Variants in HMCN1 observed in about 807,000 individuals in gnomAD.
The protein encoded by HMCN1 is hemicentin-1.
In HMCN1, 321 loss-of-function variants were observed where a neutral mutation model predicts 625.9. The ratio of observed to expected loss-of-function variants is 0.51; its 90% CI spans 0.47 to 0.56. The LOEUF is 0.56. HMCN1 is among the 20% of genes least tolerant of loss of function. The pLI, the probability that HMCN1 is intolerant of heterozygous loss-of-function variation, is 0.00. For missense variants in HMCN1, 6,588 were observed against 6,887.3 expected, an observed-to-expected ratio of 0.96 and a Z score of 1.54; for synonymous variants, 2,425 against 2,417.6, an observed-to-expected ratio of 1.00 and a Z score of -0.09.
chr1:185,877,540 A>G (rs1355896418), intron 4 of HMCN1, among the ~76,000 whole-genome samples: 1 of 151,516 alleles, frequency 6.6e-6, no homozygotes, highest in African/African-American at 2.4e-5. Context: ...TTGAATCTGC[A>G]TATTGCTCTG....
chr1:185,768,427 A>G (rs1473032363), intron 1 of HMCN1, among the ~76,000 whole-genome samples: 2 of 152,176 alleles, frequency 1.3e-5, no homozygotes, highest in Non-Finnish European at 2.9e-5. Flanking sequence ...GGCTTAATCC[A>G]TTGTCATGTC....
intron 83 of HMCN1, among the ~76,000 whole-genome samples, chr1:186,129,709 C>T (rs1358256782): frequency 6.6e-6 from 1 of 152,126 alleles, no homozygotes; most frequent in Non-Finnish European, 1.5e-5. Flanking sequence ...TTACTTTAAA[C>T]CTAAAATAAT....
intron 6 of HMCN1, among the ~76,000 whole-genome samples, chr1:185,914,087 G>A (rs911510478): frequency 1.3e-5 from 2 of 152,048 alleles, no homozygotes; most frequent in African/African-American, 4.8e-5. Context: ...TCTAGTGTAG[G>A]ATTAGTGCTA....
intron 1 of HMCN1, among the ~76,000 whole-genome samples, chr1:185,801,405 T>C (rs1421601133): frequency 2.0e-5 from 3 of 152,178 alleles, no homozygotes; most frequent in African/African-American, 4.8e-5. Context: ...TACTCTAGGT[T>C]TGTAGTTTGG....
chr1:185,750,565 C>T (rs1274031900), intron 1 of HMCN1, among the ~76,000 whole-genome samples: 1 of 151,944 alleles, frequency 6.6e-6, no homozygotes, highest in African/African-American at 2.4e-5. Context: ...AATATATGGC[C>T]ATTTTAATCT....
chr1:185,744,428 C>A (rs1037944348), intron 1 of HMCN1, among the ~76,000 whole-genome samples: 4 of 152,140 alleles, frequency 2.6e-5, no homozygotes, highest in Non-Finnish European at 5.9e-5. Flanking sequence ...CCTTTGAGCC[C>A]TAGGCCACTG....
chr1:186,015,143 C>A lies in HMCN1; in HGVS notation c.4631-16C>A, dbSNP rs143354708. The A allele has an allele frequency of 9.1e-5, 146 of 1,611,634 alleles. No individual in the cohort carries two copies. The African/African-American group carries it at 1.7e-3, about 19-fold the overall frequency. ...GAAACTTAGATGACTTGTTTTTGTTCTGAAATCCTTTGTAGTTCCACCTAG... is the reference window on the plus strand; with the variant it reads ...GAAACTTAGATGACTTGTTTTTGTTATGAAATCCTTTGTAGTTCCACCTAG... On this transcript the variant is annotated splice_polypyrimidine_tract_variant and intron_variant, in intron 30 of 106. Transcript: ENST00000271588.
intron 39 of HMCN1, 62 bp from the exon 40 acceptor site, chr1:186,040,951 A>T: frequency 6.3e-7 from 1 of 1,582,506 alleles, no homozygotes; most frequent in South Asian, 1.1e-5. Flanking sequence ...TAAGAGAAAA[A>T]ATCTATTACA....
intron 36 of HMCN1, among the ~76,000 whole-genome samples, chr1:186,024,183 G>A (rs986155942): frequency 2.6e-5 from 4 of 152,084 alleles, no homozygotes; most frequent in South Asian, 2.1e-4. Flanking sequence ...TCACTGGATC[G>A]TTAGTTGGGA....
chr1:185,880,207 T>C (rs944432238), intron 4 of HMCN1, among the ~76,000 whole-genome samples: 1 of 152,078 alleles, frequency 6.6e-6, no homozygotes, highest in Non-Finnish European at 1.5e-5. Flanking sequence ...GAGTCCAACA[T>C]TGGAATGGAC....
chr1:185,804,053 T>G (rs1398892244), intron 1 of HMCN1, among the ~76,000 whole-genome samples: 1 of 152,086 alleles, frequency 6.6e-6, no homozygotes, highest in African/African-American at 2.4e-5. Context: ...TTTTTTTAAA[T>G]TCATCTCTTT....
chr1:185,845,437 T>A (rs1402763459), intron 1 of HMCN1, among the ~76,000 whole-genome samples: 1 of 152,144 alleles, frequency 6.6e-6, no homozygotes, highest in Admixed American at 6.5e-5. Context: ...GTCAGGCTGG[T>A]CTCGAACTCC....
Position 186,190,026 on chromosome 1 carries a change from T to C in HMCN1, c.*148T>C. Reference sequence around the variant, plus strand: ...TGTTTTGTGTGCCTTCCTTGGTACTTCTGAGGTATTTTCATGATCCCACCA... The same window carrying C: ...TGTTTTGTGTGCCTTCCTTGGTACTCCTGAGGTATTTTCATGATCCCACCA... On this transcript the variant is annotated 3_prime_UTR_variant, in exon 107 of 107. Transcript: ENST00000271588. 1.1e-6 allele frequency: 1 copy of C among 878,816 alleles called. No individual in the cohort carries two copies. Among genetic ancestry groups the C allele is most frequent in the Non-Finnish European group, 1.9e-6 (1 of 537,426 alleles). 54.4% of individuals were successfully genotyped at this position (878,816 alleles called of 1,614,324 possible). A position where few individuals can be genotyped will look rare whatever the true frequency, so the allele number is the denominator to read the frequency against.
At chr1:185,844,606 T>C (rs923598461) in intron 1 of HMCN1, among the ~76,000 whole-genome samples, 1 of 152,226 alleles carries the variant, frequency 6.6e-6, no homozygotes, top group African/African-American at 2.4e-5. Flanking sequence ...AGTATCTTTA[T>C]AATTTTGCAT....
chr1:186,166,420 C>A, intron 99 of HMCN1, 117 bp downstream of exon 99: 1 of 1,309,792 alleles, frequency 7.6e-7, no homozygotes, highest in Non-Finnish European at 1.1e-6. Flanking sequence ...ACCTTGGCAA[C>A]AAACAAAGAA....
chr1:186,152,797 G>A lies in HMCN1; in HGVS notation c.14944G>A (p.Gly4982Ser), dbSNP rs1217786688. 4 of 1,613,880 alleles carry A rather than the reference G, an allele frequency of 2.5e-6. No individual in the cohort carries two copies. The highest frequency in any genetic ancestry group is 3.4e-6 in the Non-Finnish European group (4 of 1,179,906). ...TATTGCCCGGGGCTTGGATTCCGATGGTTCTTTGCTGCTAGATATCGTTGT... is the reference window on the plus strand; with the variant it reads ...TATTGCCCGGGGCTTGGATTCCGATAGTTCTTTGCTGCTAGATATCGTTGT... ...SHIARGLDSD[G>S]SLLLDIVVSG... Residue 4982 changes from glycine (G) to serine (S), a missense_variant, in exon 96 of 107, where the codon GGT becomes AGT. By Grantham distance (56) the Gly-to-Ser change is moderately conservative. Coordinates refer to ENST00000271588, the MANE Select transcript of HMCN1 (RefSeq NM_031935.3).
At chr1:186,184,991 A>ATGCT (rs1470912510) in intron 105 of HMCN1, among the ~76,000 whole-genome samples, 1 of 152,140 alleles carries the variant, frequency 6.6e-6, no homozygotes, top group Non-Finnish European at 1.5e-5. Flanking sequence ...CCTAGAGAGA[A>ATGCT]TGCTTCACCC....
At chr1:186,152,917 A>G (rs934976064) in intron 96 of HMCN1, 46 bp downstream of exon 96, 1 of 1,610,162 alleles carries the variant, frequency 6.2e-7, no homozygotes, top group African/African-American at 1.3e-5. Flanking sequence ...TAGAGTAATG[A>G]TGAGTGAAAG....
chr1:185,828,855 T>C (rs1032273191), intron 1 of HMCN1, among the ~76,000 whole-genome samples: 2 of 152,036 alleles, frequency 1.3e-5, no homozygotes, highest in African/African-American at 4.8e-5. Context: ...CTATGGGATA[T>C]AGATAAAACT....
Sources: gnomAD v4.1 joint callset for allele counts (sites outside exome capture counted in the v4.1 genomes callset) on GRCh38, gnomAD v4.1.1 for gene constraint, MANE v1.5 for transcripts, NCBI Gene and HGNC (gene_info 2026-07-23, HGNC 2026-07-21) for gene names.